Variants in DACH2 observed in about 807,000 individuals in gnomAD.
DACH2 encodes the protein dachshund family transcription factor 2, also known as dachshund homolog 2.
In DACH2, 17 loss-of-function variants were observed where a neutral mutation model predicts 35.8. That is an observed-to-expected ratio of 0.48 (90% confidence interval 0.33 to 0.71). The LOEUF (loss-of-function observed/expected upper bound fraction) is 0.71, where lower values mean the gene tolerates loss of function less well. Among genes scored for constraint, DACH2 ranks in the 30% least tolerant of loss-of-function variants. The probability of loss-of-function intolerance (pLI) is 0.02; values close to 1 mark genes in which losing one functional copy is unlikely to be tolerated. For missense variants in DACH2, 469 were observed against 472.7 expected (o/e 0.99, Z 0.07); for synonymous variants, 195 against 177.3 (o/e 1.10, Z -0.79).
At chrX:86,183,175 C>A (rs1017433385) in intron 1 of DACH2, among the ~76,000 whole-genome samples, 3 of 111,651 alleles carry the variant, frequency 2.7e-5, no homozygotes, top group Non-Finnish European at 5.6e-5. Flanking sequence ...TTATTTCTTT[C>A]TCTTGCCTGA....
In DACH2 at chrX:86,491,352, C is replaced by A. The variant is rs1213574216; in HGVS notation, c.528-22927C>A. 3.6e-5 allele frequency among the ~76,000 whole-genome samples: 4 copies of A among 111,511 alleles called. No homozygotes were observed. In the Admixed American group the frequency reaches 3.8e-4, roughly 11 times the overall value. On this transcript the variant is annotated intron_variant, in intron 2 of 11. Coordinates refer to ENST00000373125, the MANE Select transcript of DACH2 (RefSeq NM_053281.3). ...ACAGTTGCCACCTCAAAATGTTAAACCTGTGCAGGAAGGGGAGTTTTGAAA... is the reference window on the plus strand; with the variant it reads ...ACAGTTGCCACCTCAAAATGTTAAAACTGTGCAGGAAGGGGAGTTTTGAAA...
chrX:86,536,142 T>C (rs1378354782), intron 3 of DACH2, among the ~76,000 whole-genome samples: 1 of 110,852 alleles, frequency 9.0e-6, no homozygotes, highest in Non-Finnish European at 1.9e-5. Context: ...TTTTGCTGTT[T>C]ATAGCTTTCT....
intron 2 of DACH2, among the ~76,000 whole-genome samples, chrX:86,424,774 G>A (rs1218526097): frequency 9.0e-6 from 1 of 111,159 alleles, no homozygotes; most frequent in Admixed American, 9.6e-5. Context: ...TCGAGAAAAG[G>A]CTTTCGGTTT....
chrX:86,739,042 T>G (rs2041626161), intron 6 of DACH2, among the ~76,000 whole-genome samples: 1 of 110,566 alleles, frequency 9.0e-6, no homozygotes, highest in South Asian at 3.8e-4. Flanking sequence ...CTGGCTAATT[T>G]TTTGTATTTT....
chrX:86,655,059 C>A (rs1340092058), intron 4 of DACH2, among the ~76,000 whole-genome samples: 1 of 111,485 alleles, frequency 9.0e-6, no homozygotes, highest in Non-Finnish European at 1.9e-5. Context: ...GGCTTGATTT[C>A]TCTGTTTCCA....
chrX:86,242,329 G>A (rs1446850646), intron 1 of DACH2, among the ~76,000 whole-genome samples: 1 of 112,225 alleles, frequency 8.9e-6, no homozygotes, highest in Non-Finnish European at 1.9e-5. Flanking sequence ...AGTCAAAGGA[G>A]ATTATTTTGG....
At chrX:86,583,340 T>A (rs55925742) in intron 3 of DACH2, among the ~76,000 whole-genome samples, 1,276 of 110,045 alleles carry the variant, frequency 0.012, 9 homozygotes, top group Non-Finnish European at 0.019. Flanking sequence ...TTATTGAACA[T>A]AGTACTGGAA....
intron 1 of DACH2, among the ~76,000 whole-genome samples, chrX:86,214,051 T>C (rs2032512133): frequency 9.0e-6 from 1 of 111,053 alleles, no homozygotes; most frequent in Non-Finnish European, 1.9e-5. Context: ...TTTTCAACAT[T>C]TTTTTCCGAA....
intron 1 of DACH2, among the ~76,000 whole-genome samples, chrX:86,196,392 G>A (rs143174478): frequency 0.012 from 1,284 of 110,545 alleles, 26 homozygotes; most frequent in African/African-American, 0.04. Context: ...ACAGAAATAA[G>A]AATGAAAAGG....
At chrX:86,565,259 C>T (rs2039279208) in intron 3 of DACH2, among the ~76,000 whole-genome samples, 1 of 111,651 alleles carries the variant, frequency 9.0e-6, no homozygotes, top group Non-Finnish European at 1.9e-5. Flanking sequence ...TTAGTCATTA[C>T]TTTTTCTATT....
chrX:86,235,057 G>A (rs766233460), intron 1 of DACH2, among the ~76,000 whole-genome samples: 11 of 111,822 alleles, frequency 9.8e-5, no homozygotes, highest in Non-Finnish European at 1.5e-4. Flanking sequence ...GCTCTTGTCT[G>A]TGGCAGTTTC....
intron 1 of DACH2, among the ~76,000 whole-genome samples, chrX:86,360,958 T>C (rs1051377468): frequency 2.7e-5 from 3 of 111,264 alleles, no homozygotes; most frequent in African/African-American, 9.8e-5. Flanking sequence ...GCTTTAATTG[T>C]TATTCTGAAG....
intron 7 of DACH2, among the ~76,000 whole-genome samples, chrX:86,797,549 T>G (rs1419176459): frequency 9.0e-6 from 1 of 111,351 alleles, no homozygotes; most frequent in Non-Finnish European, 1.9e-5. Context: ...TCCATATGGA[T>G]CCGTAAATAT....
chrX:86,175,615 G>A (rs2031276197), intron 1 of DACH2, among the ~76,000 whole-genome samples: 1 of 111,885 alleles, frequency 8.9e-6, no homozygotes, highest in African/African-American at 3.2e-5. Context: ...TGAAATTAAT[G>A]TTGTGTGACA....
chrX:86,417,187 G>A (rs2036721075), intron 2 of DACH2, among the ~76,000 whole-genome samples: 1 of 104,981 alleles, frequency 9.5e-6, no homozygotes. Context: ...AAAGTATCAA[G>A]CCTTTCATGA....
At chrX:86,607,994 T>A (rs1298972053) in intron 3 of DACH2, among the ~76,000 whole-genome samples, 2 of 103,504 alleles carry the variant, frequency 1.9e-5, no homozygotes, top group Admixed American at 1.1e-4. Context: ...CAGTCTATCA[T>A]TGTTGGACAT....
chrX:86,345,815 G>A (rs1056080899), intron 1 of DACH2, among the ~76,000 whole-genome samples: 3 of 111,445 alleles, frequency 2.7e-5, no homozygotes, highest in South Asian at 3.8e-4. Flanking sequence ...TTAGTTTACA[G>A]TTTTGCTCTG....
intron 1 of DACH2, among the ~76,000 whole-genome samples, chrX:86,274,824 A>G (rs1427267403): frequency 3.6e-5 from 4 of 111,237 alleles, no homozygotes; most frequent in Non-Finnish European, 7.5e-5. Flanking sequence ...GCATGTTAAC[A>G]TTTAAATTAT....
At chrX:86,750,110 C>A (rs756695382) in intron 7 of DACH2, among the ~76,000 whole-genome samples, 7 of 110,948 alleles carry the variant, frequency 6.3e-5, no homozygotes, top group Admixed American at 1.9e-4. Context: ...TATTCTGTGG[C>A]TAGAGACTGC....
Sources: gnomAD v4.1 joint callset for allele counts (sites outside exome capture counted in the v4.1 genomes callset) on GRCh38, gnomAD v4.1.1 for gene constraint, MANE v1.5 for transcripts, NCBI Gene and HGNC (gene_info 2026-07-23, HGNC 2026-07-21) for gene names.